CTNNB1: variants seen among roughly 807,000 people sequenced by gnomAD.
CTNNB1 encodes the protein catenin beta-1.
A neutral mutation model predicts 82.5 loss-of-function variants in CTNNB1; 6 were observed. The observed-to-expected ratio is 0.07, with a 90% CI of 0.04 to 0.14. CTNNB1 has a LOEUF of 0.14. Among genes scored for constraint, CTNNB1 ranks in the 10% least tolerant of loss-of-function variants. The pLI, the probability that CTNNB1 is intolerant of heterozygous loss-of-function variation, is 1.00. For missense variants in CTNNB1, 529 were observed against 980.4 expected (o/e 0.54, Z 6.15); for synonymous variants, 312 against 329.7 (o/e 0.95, Z 0.58).
At chr3:41,213,659 A>G (rs927113319) in intron 1 of CTNNB1, among the ~76,000 whole-genome samples, 1 of 152,232 alleles carries the variant, frequency 6.6e-6, no homozygotes, top group African/African-American at 2.4e-5. Flanking sequence ...CTTATGGAAC[A>G]GAAATATCCC....
chr3:41,235,426 T>A, intron 10 of CTNNB1: 1 of 426,632 alleles, frequency 2.3e-6, no homozygotes, highest in Non-Finnish European at 4.3e-6. Context: ...TCTCTTTTTA[T>A]ATACCTTTTA....
intron 2 of CTNNB1, 169 bp from the exon 3 acceptor site, chr3:41,224,357 G>GT (rs956408764): frequency 1.3e-6 from 1 of 753,988 alleles, no homozygotes; most frequent in African/African-American, 1.8e-5. Flanking sequence ...AAGGGATTAG[G>GT]TATTTCATCA....
chr3:41,211,964 CTTACCATTTCA>C (rs2077802505), intron 1 of CTNNB1, among the ~76,000 whole-genome samples: 1 of 152,198 alleles, frequency 6.6e-6, no homozygotes, highest in Non-Finnish European at 1.5e-5. Context: ...ACTTACAGGG[CTTACCATTTCA>C]TTCAGTAAAA....
chr3:41,223,911 T>G (rs2078110703), intron 1 of CTNNB1, 110 bp from the exon 2 acceptor site: 3 of 768,106 alleles, frequency 3.9e-6, no homozygotes, highest in Non-Finnish European at 6.7e-6. Context: ...AAAGAGGATA[T>G]GGGTTTTTTT....
chr3:41,207,546 G>A (rs1436715306), intron 1 of CTNNB1, among the ~76,000 whole-genome samples: 3 of 152,174 alleles, frequency 2.0e-5, no homozygotes, highest in Admixed American at 6.5e-5. Context: ...TCTTTACAAT[G>A]AAGGAAGTAG....
chr3:41,221,557 T>A (rs200207818), intron 1 of CTNNB1: 1 of 152,156 alleles, frequency 6.6e-6, no homozygotes, highest in African/African-American at 2.4e-5. Context: ...TTGTCCAGGC[T>A]GGTCTTGGAA....
chr3:41,224,011 CT>C lies in CTNNB1; in HGVS notation c.-48-3del, dbSNP rs968099699. On this transcript the variant is annotated splice_polypyrimidine_tract_variant and intron_variant, in intron 1 of 14. Transcript: ENST00000349496. ...TTAAATCCTAATGACTTTTGATTAACTTTTTTTAGGGTATTTGAAGTATACC... is the reference window on the plus strand; with the variant it reads ...TTAAATCCTAATGACTTTTGATTAACTTTTTTAGGGTATTTGAAGTATACC... 77 of 1,586,618 alleles carry C rather than the reference CT, an allele frequency of 4.9e-5. 1 individual carries two copies. The highest frequency in any genetic ancestry group is 2.2e-4 in the African/African-American group (16 of 74,254).
intron 1 of CTNNB1, among the ~76,000 whole-genome samples, chr3:41,212,212 C>G (rs1026573084): frequency 6.6e-6 from 1 of 152,102 alleles, no homozygotes; most frequent in African/African-American, 2.4e-5. Flanking sequence ...TATTTTTACC[C>G]CTTTGAGGGT....
chr3:41,232,677 A>C (rs2078338366), intron 7 of CTNNB1, among the ~76,000 whole-genome samples: 1 of 152,032 alleles, frequency 6.6e-6, no homozygotes, highest in Non-Finnish European at 1.5e-5. Flanking sequence ...ACCTTGGAAC[A>C]CATGTTTTGT....
chr3:41,233,216 C>A lies in CTNNB1; in HGVS notation c.1082-125C>A, dbSNP rs188547424. ...CTAGAAAATGAGAGGAAATCAAATA[C>A]TTAGGTGAAAGGAAGTAAACTCTGG... is the stretch of plus-strand genomic sequence containing the variant. On this transcript the variant is annotated intron_variant, in intron 7 of 14. Coordinates refer to ENST00000349496, the MANE Select transcript of CTNNB1 (RefSeq NM_001904.4). The A allele has an allele frequency of 1.1e-5, 9 of 815,030 alleles. No homozygotes were observed. In the East Asian group the frequency reaches 2.1e-4, roughly 19 times the overall value. 50.5% of individuals were successfully genotyped at this position (815,030 alleles called of 1,614,324 possible).
chr3:41,208,651 G>GT (rs1209913641), intron 1 of CTNNB1, among the ~76,000 whole-genome samples: 1 of 152,100 alleles, frequency 6.6e-6, no homozygotes, highest in Non-Finnish European at 1.5e-5. Context: ...TAACAATCTT[G>GT]TCCCTCCCTG....
At position 41,208,433 on chromosome 3, in the gene CTNNB1, C is replaced by A. The variant is rs564073489; in HGVS notation, c.-49+8763C>A. Among the ~76,000 whole-genome samples, 29 of 152,190 alleles carry A rather than the reference C, an allele frequency of 1.9e-4. No individual in the cohort carries two copies. The East Asian group carries it at 4.8e-3, about 25-fold the overall frequency. On this transcript the variant is annotated intron_variant, in intron 1 of 14. Coordinates refer to ENST00000349496, the MANE Select transcript of CTNNB1 (RefSeq NM_001904.4). Reference sequence around the variant, plus strand: ...ATTGTCATATCCTAGAATATTTTGTCTTTTATCTGTAACTCTGCTCTCTTC... The same window carrying A: ...ATTGTCATATCCTAGAATATTTTGTATTTTATCTGTAACTCTGCTCTCTTC...
At chr3:41,207,988 A>T (rs2077689161) in intron 1 of CTNNB1, among the ~76,000 whole-genome samples, 1 of 152,274 alleles carries the variant, frequency 6.6e-6, no homozygotes, top group Admixed American at 6.5e-5. Context: ...CATGTGATCA[A>T]ATTATACCAC....
intron 1 of CTNNB1, among the ~76,000 whole-genome samples, chr3:41,220,312 A>G (rs1322793509): frequency 6.6e-6 from 1 of 151,924 alleles, no homozygotes; most frequent in Non-Finnish European, 1.5e-5. Flanking sequence ...TGTTTGGAGG[A>G]CCAAGGGTCA....
At chr3:41,223,385 A>G (rs1257295051) in intron 1 of CTNNB1, among the ~76,000 whole-genome samples, 1 of 152,170 alleles carries the variant, frequency 6.6e-6, no homozygotes, top group Non-Finnish European at 1.5e-5. Context: ...ATTTGTATTT[A>G]TAATAAATCA....
chr3:41,225,906 C>T lies in CTNNB1; in HGVS notation c.936+45C>T. 6.5e-7 allele frequency: 1 copy of T among 1,533,860 alleles called. No individual in the cohort carries two copies. The highest frequency in any genetic ancestry group is 2.3e-5 in the East Asian group (1 of 44,344). On this transcript the variant is annotated intron_variant, in intron 6 of 14. Coordinates refer to ENST00000349496, the MANE Select transcript of CTNNB1 (RefSeq NM_001904.4). The surrounding 1 kb of genome is among the most constrained non-coding windows in gnomAD (Gnocchi z 5.3). ...TGTGGTTTTCATGGAGCATTGGACACCTCCAGTGTCATGTCATTCCATGCA... is the reference window on the plus strand; with the variant it reads ...TGTGGTTTTCATGGAGCATTGGACATCTCCAGTGTCATGTCATTCCATGCA...
intron 7 of CTNNB1, among the ~76,000 whole-genome samples, chr3:41,229,323 T>C (rs1271667577): frequency 6.6e-6 from 1 of 152,214 alleles, no homozygotes; most frequent in East Asian, 1.9e-4. Context: ...CAATATTGAT[T>C]CTTCCTGCCA....
At chr3:41,228,618 C>T (rs2078233706) in intron 7 of CTNNB1, among the ~76,000 whole-genome samples, 1 of 152,110 alleles carries the variant, frequency 6.6e-6, no homozygotes, top group African/African-American at 2.4e-5. Context: ...GATATTAGAC[C>T]TTTGTCAGAT....
chr3:41,231,291 CA>C (rs2078301297), intron 7 of CTNNB1, among the ~76,000 whole-genome samples: 1 of 149,444 alleles, frequency 6.7e-6, no homozygotes, highest in African/African-American at 2.5e-5. Flanking sequence ...AGCGCCACTG[CA>C]CTTCAGCCTG....
Sources: gnomAD v4.1 joint callset for allele counts (sites outside exome capture counted in the v4.1 genomes callset) on GRCh38, gnomAD v4.1.1 for gene constraint, Gnocchi (gnomAD v3.1) non-coding constraint, MANE v1.5 for transcripts, NCBI Gene and HGNC (gene_info 2026-07-23, HGNC 2026-07-21) for gene names.